Variants in GSG1L observed in about 807,000 individuals in gnomAD.
GSG1L encodes GSG1 like, also known as germ cell-specific gene 1-like protein.
A neutral mutation model predicts 42.1 loss-of-function variants in GSG1L; 24 were observed. That is an observed-to-expected ratio of 0.57 (90% CI 0.41 to 0.80). GSG1L has a LOEUF of 0.80. Ranked by LOEUF, GSG1L falls within the 30% of genes least tolerant of loss-of-function variation. The pLI is 0.00. For synonymous variants in GSG1L, 215 were observed against 203.5 expected (o/e 1.06, Z -0.48); for missense variants, 445 against 472.2 (o/e 0.94, Z 0.53).
chr16:27,911,190 C>T (rs1171154222), intron 2 of GSG1L, among the ~76,000 whole-genome samples: 2 of 152,064 alleles, frequency 1.3e-5, no homozygotes, highest in African/African-American at 4.8e-5. Flanking sequence ...TCTTGGCAGC[C>T]ACAACCAAGC....
chr16:27,792,032 A>G lies in GSG1L; in HGVS notation c.899-565T>C, dbSNP rs573334060. Among the ~76,000 whole-genome samples, 4 of 149,780 alleles carry G rather than the reference A, an allele frequency of 2.7e-5. No individual in the cohort carries two copies. In the South Asian group the frequency reaches 8.6e-4, roughly 32 times the overall value. ...CCCCACTCCTGCCATCTGCCCACCC[A>G]TTTTCCCTCCATCCTTCCCTTCCAC... On this transcript the variant is annotated intron_variant, in intron 6 of 6. Coordinates refer to ENST00000447459, the MANE Select transcript of GSG1L (RefSeq NM_001109763.2).
chr16:27,821,409 G>T (rs927381437), intron 5 of GSG1L, among the ~76,000 whole-genome samples: 1 of 152,068 alleles, frequency 6.6e-6, no homozygotes, highest in Non-Finnish European at 1.5e-5. Flanking sequence ...GTACCTGATA[G>T]GTGGTTTTGC....
chr16:27,998,819 C>T (rs962782793), intron 1 of GSG1L, among the ~76,000 whole-genome samples: 4 of 150,856 alleles, frequency 2.7e-5, no homozygotes, highest in African/African-American at 4.9e-5. Flanking sequence ...AAAAAAAAAA[C>T]AACCCAAGGC....
At chr16:28,004,351 G>A (rs2085613818) in intron 1 of GSG1L, among the ~76,000 whole-genome samples, 3 of 152,088 alleles carry the variant, frequency 2.0e-5, no homozygotes, top group Admixed American at 2.0e-4. Context: ...AGGGGGATGA[G>A]GGAGCTGAGA....
intron 6 of GSG1L, among the ~76,000 whole-genome samples, chr16:27,793,675 T>G (rs764023513): frequency 4.9e-4 from 75 of 152,222 alleles, no homozygotes; most frequent in Non-Finnish European, 8.5e-4. Context: ...CCACAATCCC[T>G]GTCCTTCCCT....
intron 1 of GSG1L, among the ~76,000 whole-genome samples, chr16:27,985,005 GC>G (rs1215143197): frequency 6.6e-6 from 1 of 152,014 alleles, no homozygotes; most frequent in South Asian, 2.1e-4. Context: ...CAGTCTTCCC[GC>G]CCCAGCCTCC....
intron 1 of GSG1L, among the ~76,000 whole-genome samples, chr16:27,964,386 C>T (rs913037933): frequency 2.0e-5 from 3 of 151,796 alleles, no homozygotes; most frequent in African/African-American, 4.8e-5. Context: ...GGTGGGCCTT[C>T]GGCCATTTTG....
intron 1 of GSG1L, among the ~76,000 whole-genome samples, chr16:27,993,756 GAC>G (rs780132080): frequency 9.8e-5 from 15 of 152,312 alleles, no homozygotes; most frequent in Non-Finnish European, 2.2e-4. Flanking sequence ...GCTTGCCTAA[GAC>G]ATGCCCACAG....
rs1217433918 is a variant in GSG1L, at chr16:27,986,532, G to T, written c.350-23329C>A. Among the ~76,000 whole-genome samples the T allele has an allele frequency of 2.6e-5, 4 of 151,852 alleles. No individual in the cohort carries two copies. The East Asian group carries it at 5.8e-4, about 22-fold the overall frequency. On this transcript the variant is annotated intron_variant, in intron 1 of 6. Coordinates refer to ENST00000447459, the MANE Select transcript of GSG1L (RefSeq NM_001109763.2). Reference sequence around the variant, plus strand: ...AAAAAAAAAAAAAAAAGATAGAAAAGTGTGATTTGGATACCTAGAGGCTAT... The same window carrying T: ...AAAAAAAAAAAAAAAAGATAGAAAATTGTGATTTGGATACCTAGAGGCTAT...
At chr16:27,959,008 A>G (rs1368153209) in intron 2 of GSG1L, among the ~76,000 whole-genome samples, 1 of 152,130 alleles carries the variant, frequency 6.6e-6, no homozygotes, top group Admixed American at 6.6e-5. Flanking sequence ...AAGTGTGTAT[A>G]ATCGTGATAC....
At chr16:27,826,295 G>T (rs1296900899) in intron 5 of GSG1L, among the ~76,000 whole-genome samples, 1 of 152,086 alleles carries the variant, frequency 6.6e-6, no homozygotes, top group Non-Finnish European at 1.5e-5. Context: ...CCCATGCGCT[G>T]CCATGCTTCT....
intron 2 of GSG1L, among the ~76,000 whole-genome samples, chr16:27,949,180 G>A (rs1023660995): frequency 3.9e-5 from 6 of 151,912 alleles, no homozygotes; most frequent in African/African-American, 1.5e-4. Flanking sequence ...GCCTCCCAAA[G>A]TGCTGGATTA....
chr16:28,012,526 C>G (rs930658473), intron 1 of GSG1L, among the ~76,000 whole-genome samples: 7 of 151,992 alleles, frequency 4.6e-5, no homozygotes, highest in Non-Finnish European at 1.0e-4. Context: ...AAAACTGTAC[C>G]TGTCATCATA....
chr16:27,865,646 T>G (rs2083715520), intron 3 of GSG1L, among the ~76,000 whole-genome samples: 1 of 146,916 alleles, frequency 6.8e-6, no homozygotes, highest in African/African-American at 2.5e-5. Flanking sequence ...TATATGTGTG[T>G]GTATGTATAT....
intron 1 of GSG1L, among the ~76,000 whole-genome samples, chr16:28,050,769 A>T (rs1361375198): frequency 1.3e-5 from 2 of 152,154 alleles, no homozygotes; most frequent in Non-Finnish European, 2.9e-5. Context: ...CTGCTTCCTG[A>T]TCCCCTGAGT....
At chr16:27,895,161 A>G (rs1018870263) in intron 2 of GSG1L, among the ~76,000 whole-genome samples, 2 of 152,174 alleles carry the variant, frequency 1.3e-5, no homozygotes, top group African/African-American at 2.4e-5. Context: ...CAGTATTTTA[A>G]AAATATCTGA....
intron 1 of GSG1L, among the ~76,000 whole-genome samples, chr16:28,000,151 CAT>C (rs1195464419): frequency 1.3e-5 from 2 of 152,220 alleles, no homozygotes; most frequent in African/African-American, 2.4e-5. Context: ...TACTTGCTCA[CAT>C]GTGACATTCT....
chr16:27,906,889 CCT>C (rs1178614306), intron 2 of GSG1L, among the ~76,000 whole-genome samples: 5 of 152,122 alleles, frequency 3.3e-5, no homozygotes, highest in Non-Finnish European at 5.9e-5. Flanking sequence ...GTATGGACAC[CCT>C]GTCTCACCAC....
chr16:27,794,338 T>C (rs1310181304), intron 6 of GSG1L, among the ~76,000 whole-genome samples: 5 of 151,840 alleles, frequency 3.3e-5, no homozygotes, highest in Admixed American at 2.6e-4. Context: ...AACTTTCTTT[T>C]TTTTTTTTTT....
Sources: allele counts gnomAD v4.1 joint callset (sites outside exome capture counted in the v4.1 genomes callset), GRCh38; gene constraint gnomAD v4.1.1; transcripts MANE v1.5; gene names NCBI Gene and HGNC (gene_info 2026-07-23, HGNC 2026-07-21).